SORL1: variants seen among roughly 807,000 people sequenced by gnomAD.
The protein encoded by SORL1 is sortilin related receptor 1.
In SORL1, 127 loss-of-function variants were observed where a neutral mutation model predicts 273.7. The ratio of observed to expected loss-of-function variants is 0.46; its 90% CI spans 0.40 to 0.54. The LOEUF (loss-of-function observed/expected upper bound fraction) is 0.54. Among genes scored for constraint, SORL1 ranks in the 20% least tolerant of loss-of-function variants. The pLI is 0.00. For synonymous variants in SORL1, 1,031 were observed against 1,067.4 expected, an observed-to-expected ratio of 0.97 and a Z score of 0.66; for missense variants, 2,494 against 2,846.1, an observed-to-expected ratio of 0.88 and a Z score of 2.81.
At chr11:121,488,930 T>G (rs1311380855) in intron 4 of SORL1, among the ~76,000 whole-genome samples, 3 of 152,226 alleles carry the variant, frequency 2.0e-5, no homozygotes, top group Non-Finnish European at 4.4e-5. Context: ...TTACCTTTGC[T>G]TGCCTTAGGG....
In SORL1 at chr11:121,550,101, G is replaced by C. The variant is rs1862485511; in HGVS notation, c.2180+13G>C. Reference sequence around the variant, plus strand: ...GGAGAACGAGAGGGTATGTATCACAGAGGTTGCCCTGTCAGGTTCTCAGCG... The same window carrying C: ...GGAGAACGAGAGGGTATGTATCACACAGGTTGCCCTGTCAGGTTCTCAGCG... On this transcript the variant is annotated intron_variant, in intron 15 of 47. Transcript: ENST00000260197. This position sits in a 1 kb window ranked among gnomAD's most constrained non-coding sequence, Gnocchi z 5.3. The C allele has an allele frequency of 1.2e-6, 2 of 1,610,692 alleles. No homozygotes were observed. Among genetic ancestry groups the C allele is most frequent in the African/African-American group, 1.3e-5 (1 of 74,942 alleles).
chr11:121,531,262 T>G (rs1249710043), intron 11 of SORL1, among the ~76,000 whole-genome samples: 1 of 152,104 alleles, frequency 6.6e-6, no homozygotes, highest in Non-Finnish European at 1.5e-5. Flanking sequence ...GGCGTGGTGG[T>G]GCATGCCTGT....
intron 2 of SORL1, among the ~76,000 whole-genome samples, chr11:121,477,002 G>T (rs1363100188): frequency 6.6e-6 from 1 of 151,884 alleles, no homozygotes; most frequent in Admixed American, 6.6e-5. Context: ...CTGTTGCCCA[G>T]GCTGGTCTCA....
intron 11 of SORL1, among the ~76,000 whole-genome samples, chr11:121,526,394 G>A (rs1452581517): frequency 6.6e-6 from 1 of 152,016 alleles, no homozygotes; most frequent in African/African-American, 2.4e-5. Flanking sequence ...GATCAAGTAG[G>A]GTAAGTCCTT....
rs567114296 is a variant in SORL1 at position 121,554,306 on chromosome 11, A to G, written c.2439+197A>G. Among the ~76,000 whole-genome samples, 29 of 152,334 alleles carry G rather than the reference A, an allele frequency of 1.9e-4. No individual in the cohort carries two copies. Among genetic ancestry groups the G allele is most frequent in the Non-Finnish European group, 3.5e-4 (24 of 68,028 alleles). On this transcript the variant is annotated intron_variant, in intron 17 of 47. Transcript: ENST00000260197. This position sits in a 1 kb window ranked among gnomAD's most constrained non-coding sequence, Gnocchi z 4.6. ...TCTGTCTTCATCTGTTCATATAGGA[A>G]GGATAAAGAAAGCCCTAAATCCACA...
At chr11:121,513,461 T>G (rs1246571458) in intron 7 of SORL1, among the ~76,000 whole-genome samples, 1 of 152,136 alleles carries the variant, frequency 6.6e-6, no homozygotes, top group Non-Finnish European at 1.5e-5. Flanking sequence ...GGGGATGAAT[T>G]CCAGCAGAGG....
chr11:121,545,063 T>C (rs891226019), intron 13 of SORL1, among the ~76,000 whole-genome samples, 180 bp from the exon 14 acceptor site: 11 of 152,218 alleles, frequency 7.2e-5, no homozygotes, highest in African/African-American at 2.2e-4. Flanking sequence ...GTTTCAGGTA[T>C]CCTTTTCATT....
At position 121,589,268 on chromosome 11, in the gene SORL1, C is replaced by T. The variant is rs760952080; in HGVS notation, c.3956C>T (p.Pro1319Leu). 7 of 1,613,172 alleles carry T rather than the reference C, an allele frequency of 4.3e-6. No homozygotes were observed. In the East Asian group the frequency reaches 1.6e-4, roughly 36 times the overall value. The stretch of plus-strand genomic sequence containing the variant: ...TTTGTTCCCTCTGTAGCCCAAGATC[C>T]TGAGTTCCACAAGGTATGTGATGAG... Reference protein sequence around the residue: ...DAAFAGCSQDPEFHKVCDEFG... With the variant: ...DAAFAGCSQDLEFHKVCDEFG... Residue 1319 changes from proline (P) to leucine (L), a missense_variant, in exon 29 of 48, where the codon CCT becomes CTT. This residue lies in a region of SORL1 where 1,609 missense variants were observed against 1,816.4 expected (regional missense o/e 0.89). Transcript: ENST00000260197.
intron 3 of SORL1, among the ~76,000 whole-genome samples, chr11:121,479,245 C>T (rs565006491): frequency 7.9e-5 from 12 of 152,228 alleles, no homozygotes; most frequent in Non-Finnish European, 1.5e-4. Flanking sequence ...ACCGGGCAGC[C>T]GGCAAGGCTT....
At chr11:121,604,977 C>A in intron 33 of SORL1, 136 bp from the exon 34 acceptor site, 1 of 600,304 alleles carries the variant, frequency 1.7e-6, no homozygotes, top group East Asian at 2.9e-5. Flanking sequence ...AGCCACATTG[C>A]CCAGGCCAGT....
At chr11:121,613,526 A>C (rs1020832143) in intron 40 of SORL1, among the ~76,000 whole-genome samples, 1 of 152,130 alleles carries the variant, frequency 6.6e-6, no homozygotes, top group African/African-American at 2.4e-5. Flanking sequence ...AGAGACTACA[A>C]ATGTTCTATT....
intron 11 of SORL1, 119 bp from the exon 12 acceptor site, chr11:121,532,345 G>A: frequency 1.2e-6 from 1 of 809,380 alleles, no homozygotes. Flanking sequence ...TTGTTTTCAA[G>A]TGGTTGTCAT....
rs377280461 is a variant in SORL1 at position 121,605,247 on chromosome 11, C to A, written c.4778+8C>A. 11 of 1,606,818 alleles carry A rather than the reference C, an allele frequency of 6.8e-6. No homozygotes were observed. In the African/African-American group the frequency reaches 1.3e-4, roughly 20 times the overall value. On this transcript the variant is annotated splice_region_variant and intron_variant, in intron 34 of 47. Coordinates refer to ENST00000260197, the MANE Select transcript of SORL1 (RefSeq NM_003105.6). ...ATATAATGTCTACTACAGGTAGGTC[C>A]CATCTTTGTCATGGGAGATGAAAAT... is the stretch of plus-strand genomic sequence containing the variant.
At chr11:121,541,357 C>T (rs1316750999) in intron 12 of SORL1, among the ~76,000 whole-genome samples, 1 of 152,080 alleles carries the variant, frequency 6.6e-6, no homozygotes, top group East Asian at 1.9e-4. Context: ...GGGGGCACCA[C>T]CACACGTGAC....
At position 121,631,971 on chromosome 11, in the gene SORL1, G is replaced by C. The variant is rs972880716; in HGVS notation, c.*2408G>C. On this transcript the variant is annotated 3_prime_UTR_variant, in exon 48 of 48. Transcript: ENST00000260197. ...ATATGCTGTCTGAAAGAATCCAGAG[G>C]TTGGAGTGCCAATAGAAAATGAAAA... 21 of 152,216 alleles carry C rather than the reference G, an allele frequency of 1.4e-4. No homozygotes were observed. The highest frequency in any genetic ancestry group is 5.1e-4 in the African/African-American group (21 of 41,456). 9.4% of individuals were successfully genotyped at this position (152,216 alleles called of 1,614,324 possible).
At chr11:121,551,417 C>T (rs893401976) in intron 16 of SORL1, among the ~76,000 whole-genome samples, 12 of 152,334 alleles carry the variant, frequency 7.9e-5, no homozygotes, top group Admixed American at 5.9e-4. Flanking sequence ...TTCTAAAACA[C>T]GTTTCTGCTA....
intron 6 of SORL1, among the ~76,000 whole-genome samples, chr11:121,511,892 A>C (rs1367683069): frequency 1.3e-5 from 2 of 152,212 alleles, no homozygotes; most frequent in African/African-American, 4.8e-5. Flanking sequence ...CAACCTAGTC[A>C]AGGATAAGTG....
chr11:121,467,131 G>T (rs1367084576), intron 1 of SORL1, among the ~76,000 whole-genome samples: 1 of 148,514 alleles, frequency 6.7e-6, no homozygotes, highest in Non-Finnish European at 1.5e-5. Context: ...CCGGGTTCAC[G>T]CCATTCTCCT....
chr11:121,514,222 A>G lies in SORL1; in HGVS notation c.1112A>G (p.Asn371Ser), dbSNP rs150609294. The G allele has an allele frequency of 3.1e-6, 5 of 1,614,054 alleles. No homozygotes were observed. The highest frequency in any genetic ancestry group is 4.2e-6 in the Non-Finnish European group (5 of 1,180,034). Residue 371 changes from asparagine (N) to serine (S), a missense_variant, in exon 8 of 48, where the codon AAT becomes AGT. Asn to Ser is a conservative substitution (Grantham distance 46). Transcript: ENST00000260197. The stretch of plus-strand genomic sequence containing the variant: ...GTCAGCCACAGTAACAACCGCACCA[A>G]TTTATACATCTCAGAGGCAGAGGGG... ...VCVSHSNNRT[N>S]LYISEAEGLK...
Sources: allele counts gnomAD v4.1 joint callset (sites outside exome capture counted in the v4.1 genomes callset), GRCh38; gene constraint gnomAD v4.1.1; regional missense constraint gnomAD v4.1.1; non-coding constraint Gnocchi (gnomAD v3.1); transcripts MANE v1.5; gene names NCBI Gene and HGNC (gene_info 2026-07-23, HGNC 2026-07-21).